Variants in DBT observed in about 807,000 individuals in gnomAD.
The protein encoded by DBT is dihydrolipoamide branched chain transacylase E2.
A neutral mutation model predicts 51.3 loss-of-function variants in DBT; 40 were observed. That is an observed-to-expected ratio of 0.78 (90% confidence interval 0.61 to 1.02). The LOEUF is 1.02. Among genes scored for constraint, DBT ranks in the 50% least tolerant of loss-of-function variants. The pLI is 0.00. For missense variants in DBT, 510 were observed against 580.2 expected (o/e 0.88, Z 1.24); for synonymous variants, 181 against 190.4 (o/e 0.95, Z 0.41).
chr1:100,218,810 A>C (rs1203175477), intron 4 of DBT, 63 bp from the exon 5 acceptor site: 50 of 1,377,180 alleles, frequency 3.6e-5, no homozygotes, highest in Non-Finnish European at 5.0e-5. Context: ...CTAAGATGTA[A>C]AGTAAGGCCA....
intron 5 of DBT, among the ~76,000 whole-genome samples, chr1:100,216,921 C>A (rs898871282): frequency 6.6e-6 from 1 of 152,052 alleles, no homozygotes; most frequent in South Asian, 2.1e-4. Context: ...TAGGGATAGG[C>A]CCCATTTCAT....
At chr1:100,204,205 C>A (rs1570804082) in intron 10 of DBT, among the ~76,000 whole-genome samples, 1 of 152,142 alleles carries the variant, frequency 6.6e-6, no homozygotes, top group African/African-American at 2.4e-5. Context: ...TAGAAAACCC[C>A]ATCGGCTCAG....
At chr1:100,232,627 G>C (rs1240556163) in intron 3 of DBT, among the ~76,000 whole-genome samples, 2 of 152,070 alleles carry the variant, frequency 1.3e-5, no homozygotes, top group African/African-American at 2.4e-5. Context: ...TTTTGAGACA[G>C]GGTCTTGCTC....
In DBT at chr1:100,187,384, CTTTTAT is replaced by C. The variant is rs1212862286; in HGVS notation, c.*8865_*8870del. 6.6e-6 allele frequency: 1 copy of C among 152,198 alleles called. No individual in the cohort carries two copies. Among genetic ancestry groups the C allele is most frequent in the Admixed American group, 6.5e-5 (1 of 15,278 alleles). The allele number at this position is 152,198 out of a possible 1,614,324, so 9.4% of individuals were successfully genotyped here. A position where few individuals can be genotyped will look rare whatever the true frequency, so the allele number is the denominator to read the frequency against. On this transcript the variant is annotated 3_prime_UTR_variant, in exon 11 of 11. Transcript: ENST00000370132. Reference sequence around the variant, plus strand: ...AAATTAAAAAGATATGCTCATCCCACTTTTATTTTTATGCACTACTTTTAGTTCTGC... The same window carrying C: ...AAATTAAAAAGATATGCTCATCCCACTTTTATGCACTACTTTTAGTTCTGC...
chr1:100,235,528 G>A lies in DBT; in HGVS notation c.176-17C>T, dbSNP rs772691873. ...CACGGAGAGCTTCAAAGACAAATGA[G>A]AAATGATCTCATTAAGTATATAACA... is the stretch of plus-strand genomic sequence containing the variant. On this transcript the variant is annotated splice_polypyrimidine_tract_variant and intron_variant, in intron 2 of 10. Coordinates refer to ENST00000370132, the MANE Select transcript of DBT (RefSeq NM_001918.5). 4 of 1,437,454 alleles carry A rather than the reference G, an allele frequency of 2.8e-6. No individual in the cohort carries two copies. Among genetic ancestry groups the A allele is most frequent in the Non-Finnish European group, 3.9e-6 (4 of 1,020,966 alleles). 89.0% of individuals were successfully genotyped at this position (1,437,454 alleles called of 1,614,324 possible). A position where few individuals can be genotyped will look rare whatever the true frequency, so the allele number is the denominator to read the frequency against.
In DBT at chr1:100,192,195, A is replaced by G. The variant is rs1438310481; in HGVS notation, c.*4060T>C. 1.3e-5 allele frequency: 2 copies of G among 152,100 alleles called. No homozygotes were observed. Among genetic ancestry groups the G allele is most frequent in the African/African-American group, 2.4e-5 (1 of 41,398 alleles). 9.4% of individuals were successfully genotyped at this position (152,100 alleles called of 1,614,324 possible). ...GAGGGAAGGGGGTAAAACCACCATT[A>G]AGAACTGATTGGGAATATAGCTCAA... On this transcript the variant is annotated 3_prime_UTR_variant, in exon 11 of 11. Coordinates refer to ENST00000370132, the MANE Select transcript of DBT (RefSeq NM_001918.5).
In DBT at chr1:100,206,651, A is replaced by T; in HGVS notation, c.1018-15T>A. ...TTATGAGAAGCCTAAAAAATAAAAA[A>T]TTGTACAGTAGGGCTTTTAATGAAT... On this transcript the variant is annotated splice_polypyrimidine_tract_variant and intron_variant, in intron 8 of 10. Coordinates refer to ENST00000370132, the MANE Select transcript of DBT (RefSeq NM_001918.5). The T allele has an allele frequency of 6.7e-7, 1 of 1,496,806 alleles. No homozygotes were observed. The highest frequency in any genetic ancestry group is 1.1e-5 in the South Asian group (1 of 88,658). The allele number at this position is 1,496,806 out of a possible 1,614,324, so 92.7% of individuals were successfully genotyped here. A position where few individuals can be genotyped will look rare whatever the true frequency, so the allele number is the denominator to read the frequency against.
At chr1:100,231,566 A>G (rs1186713806) in intron 3 of DBT, among the ~76,000 whole-genome samples, 1 of 152,202 alleles carries the variant, frequency 6.6e-6, no homozygotes, top group African/African-American at 2.4e-5. Context: ...ACTTATTGCC[A>G]GCAACAGATA....
chr1:100,218,649 G>A lies in DBT; in HGVS notation c.532C>T (p.Arg178Cys), dbSNP rs370276601. 29 of 1,613,824 alleles carry A rather than the reference G, an allele frequency of 1.8e-5. No individual in the cohort carries two copies. Among genetic ancestry groups the A allele is most frequent in the South Asian group, 4.4e-5 (4 of 91,070 alleles). Residue 178 changes from arginine to cysteine, a missense_variant, in exon 5 of 11, where the codon CGC (arginine) becomes TGC (cysteine). Arg to Cys is a radical substitution (Grantham distance 180, BLOSUM62 -3). Transcript: ENST00000370132. ...GRKTLATPAVRRLAMENNIKL... is the reference protein window; with the variant it reads ...GRKTLATPAVCRLAMENNIKL... ...ACATTGTTTTCCATTGCCAGACGGC[G>A]AACTGCAGGAGTTGCCAGTGTTTTT...
chr1:100,221,211 T>A (rs1662840227), intron 4 of DBT, among the ~76,000 whole-genome samples: 1 of 152,212 alleles, frequency 6.6e-6, no homozygotes, highest in Non-Finnish European at 1.5e-5. Flanking sequence ...AATGACAAAC[T>A]TACTTGTGAG....
chr1:100,201,961 G>GTAAAGACCA (rs1232694262), intron 10 of DBT, among the ~76,000 whole-genome samples: 9 of 152,166 alleles, frequency 5.9e-5, no homozygotes, highest in African/African-American at 1.9e-4. Flanking sequence ...AACCCAAAAT[G>GTAAAGACCA]TAAAGACCAT....
chr1:100,205,815 G>A (rs1661747655), intron 10 of DBT, among the ~76,000 whole-genome samples: 1 of 152,036 alleles, frequency 6.6e-6, no homozygotes, highest in African/African-American at 2.4e-5. Context: ...GGTCATGGAT[G>A]AAGCTGGAAA....
chr1:100,226,860 T>C (rs6577160), intron 4 of DBT, among the ~76,000 whole-genome samples: 120,558 of 151,808 alleles, frequency 0.79, 49,241 homozygotes, highest in East Asian at 0.95. Context: ...ATTTGAGCAT[T>C]GAGAAGAATA....
At position 100,200,522 on chromosome 1, in the gene DBT, G is replaced by T. The variant is rs548075485; in HGVS notation, c.1282-4100C>A. 3.9e-5 allele frequency among the ~76,000 whole-genome samples: 6 copies of T among 152,340 alleles called. No individual in the cohort carries two copies. The South Asian group carries it at 1.2e-3, about 32-fold the overall frequency. ...TTCCTGCCTGCCGACTCTGAAAAGA[G>T]CAGTGGATCTCCCAGCATAGCGCTT... On this transcript the variant is annotated intron_variant, in intron 10 of 10. Transcript: ENST00000370132.
At chr1:100,197,567 G>A (rs1661188843) in intron 10 of DBT, among the ~76,000 whole-genome samples, 1 of 152,180 alleles carries the variant, frequency 6.6e-6, no homozygotes, top group African/African-American at 2.4e-5. Flanking sequence ...GGTATTGAAA[G>A]ATCAGATAAA....
chr1:100,214,308 C>T (rs1306531299), intron 7 of DBT, among the ~76,000 whole-genome samples: 3 of 152,170 alleles, frequency 2.0e-5, no homozygotes, highest in Admixed American at 6.5e-5. Flanking sequence ...CAAAGATAAG[C>T]AGCTAAAAAT....
rs1006383117 is a variant in DBT at position 100,249,833 on chromosome 1, A to T, written c.-13T>A. The stretch of plus-strand genomic sequence containing the variant: ...GGACTGCAGCCATCTTACCCCGGAA[A>T]TGACAACAGTGCCGCAAACTGGAGA... On this transcript the variant is annotated 5_prime_UTR_variant, in exon 1 of 11. Transcript: ENST00000370132. 6.2e-7 allele frequency: 1 copy of T among 1,613,978 alleles called. No homozygotes were observed. Among genetic ancestry groups the T allele is most frequent in the African/African-American group, 1.3e-5 (1 of 74,940 alleles).
chr1:100,234,909 C>T (rs1257610169), intron 3 of DBT, among the ~76,000 whole-genome samples: 1 of 152,062 alleles, frequency 6.6e-6, no homozygotes, highest in African/African-American at 2.4e-5. Context: ...TCTTAACTGC[C>T]ACTTCTAAAA....
chr1:100,218,576 A>G, intron 5 of DBT, 50 bp downstream of exon 5: 2 of 1,606,056 alleles, frequency 1.2e-6, no homozygotes, highest in Non-Finnish European at 1.7e-6. Context: ...TCAGAGATAC[A>G]AATGTACACT....
Sources: gnomAD v4.1 joint callset for allele counts (sites outside exome capture counted in the v4.1 genomes callset) on GRCh38, gnomAD v4.1.1 for gene constraint, MANE v1.5 for transcripts, NCBI Gene and HGNC (gene_info 2026-07-23, HGNC 2026-07-21) for gene names.